Variants in HECW2 observed in about 807,000 individuals in gnomAD.
HECW2 encodes HECT, C2 and WW domain containing E3 ubiquitin protein ligase 2, also known as E3 ubiquitin-protein ligase HECW2.
Under a neutral mutation model 175.2 loss-of-function variants are expected in HECW2, and 61 were observed. The observed-to-expected ratio is 0.35, with a 90% CI of 0.28 to 0.43. HECW2 has a LOEUF of 0.43. HECW2 is among the 20% of genes least tolerant of loss of function. The pLI is 1.00. For synonymous variants in HECW2, 671 were observed against 731.0 expected (o/e 0.92, Z 1.32); for missense variants, 1,524 against 2,000.5 (o/e 0.76, Z 4.54).
intron 1 of HECW2, among the ~76,000 whole-genome samples, chr2:196,454,782 T>G (rs1416960001): frequency 6.6e-6 from 1 of 152,206 alleles, no homozygotes; most frequent in East Asian, 1.9e-4. Flanking sequence ...TGCCATGCTC[T>G]ATGACCTCTG....
chr2:196,511,007 C>T (rs1687934034), intron 1 of HECW2, among the ~76,000 whole-genome samples: 1 of 152,040 alleles, frequency 6.6e-6, no homozygotes, highest in South Asian at 2.1e-4. Context: ...ACTCTGTCGC[C>T]CAGGCTGGAG....
At chr2:196,518,752 A>G (rs1688242862) in intron 1 of HECW2, among the ~76,000 whole-genome samples, 1 of 151,578 alleles carries the variant, frequency 6.6e-6, no homozygotes, top group Non-Finnish European at 1.5e-5. Flanking sequence ...CCGTCCCTCA[A>G]TAATTTAAAA....
chr2:196,235,289 G>A (rs1315435636), intron 21 of HECW2, among the ~76,000 whole-genome samples: 3 of 151,668 alleles, frequency 2.0e-5, no homozygotes, highest in African/African-American at 4.8e-5. Flanking sequence ...TATTAGAGAC[G>A]GGGTTTCACC....
chr2:196,411,038 G>A (rs1350308859), intron 2 of HECW2, among the ~76,000 whole-genome samples: 1 of 152,182 alleles, frequency 6.6e-6, no homozygotes, highest in Non-Finnish European at 1.5e-5. Context: ...TCACTCTGTT[G>A]CTGAGGCTGA....
At chr2:196,238,130 G>A (rs1688319007) in intron 21 of HECW2, among the ~76,000 whole-genome samples, 1 of 152,206 alleles carries the variant, frequency 6.6e-6, no homozygotes, top group Non-Finnish European at 1.5e-5. Flanking sequence ...TCAGGAGGCT[G>A]AGGCAGGAGA....
chr2:196,418,441 T>C (rs1304439787), intron 2 of HECW2, among the ~76,000 whole-genome samples: 1 of 152,348 alleles, frequency 6.6e-6, no homozygotes, highest in Non-Finnish European at 1.5e-5. Flanking sequence ...TGATCACTTC[T>C]TGATCCATCA....
At chr2:196,562,426 G>T (rs1471137458) in intron 1 of HECW2, among the ~76,000 whole-genome samples, 1 of 138,810 alleles carries the variant, frequency 7.2e-6, no homozygotes, top group East Asian at 1.9e-4. Flanking sequence ...CCCTGTATGA[G>T]TTATTTATTT....
At chr2:196,404,218 C>T (rs1359737225) in intron 2 of HECW2, among the ~76,000 whole-genome samples, 6 of 152,120 alleles carry the variant, frequency 3.9e-5, no homozygotes, top group African/African-American at 7.2e-5. Context: ...GGAGACTGGG[C>T]GTAAGTCCCA....
chr2:196,266,825 A>G (rs1256065408), intron 17 of HECW2, among the ~76,000 whole-genome samples: 1 of 152,344 alleles, frequency 6.6e-6, no homozygotes, highest in African/African-American at 2.4e-5. Context: ...AAAAAAATTA[A>G]GAGTAAAATT....
intron 1 of HECW2, among the ~76,000 whole-genome samples, chr2:196,469,619 A>G (rs1040836418): frequency 6.6e-5 from 10 of 152,164 alleles, no homozygotes; most frequent in Non-Finnish European, 1.3e-4. Context: ...GGTTATTTAC[A>G]TATGTCATTA....
intron 2 of HECW2, among the ~76,000 whole-genome samples, chr2:196,400,057 G>A (rs1694776971): frequency 6.6e-6 from 1 of 152,182 alleles, no homozygotes; most frequent in Non-Finnish European, 1.5e-5. Context: ...CTGAAAGCAT[G>A]GAGAAATTTG....
At chr2:196,387,043 T>C (rs902935967) in intron 2 of HECW2, among the ~76,000 whole-genome samples, 4 of 152,202 alleles carry the variant, frequency 2.6e-5, no homozygotes, top group Non-Finnish European at 5.9e-5. Context: ...TTTTCTCATT[T>C]TTCTCTATTA....
intron 21 of HECW2, among the ~76,000 whole-genome samples, chr2:196,234,992 T>C (rs1559453756): frequency 6.6e-6 from 1 of 152,210 alleles, no homozygotes; most frequent in Non-Finnish European, 1.5e-5. Flanking sequence ...GCTTAGAAAC[T>C]ACCTACTTTT....
intron 13 of HECW2, among the ~76,000 whole-genome samples, chr2:196,295,011 G>C (rs1319984728): frequency 1.3e-5 from 2 of 152,176 alleles, no homozygotes; most frequent in Non-Finnish European, 2.9e-5. Context: ...AAGAAGAAAG[G>C]AAGGGAGGAG....
At chr2:196,365,115 T>C (rs1162133196) in intron 2 of HECW2, among the ~76,000 whole-genome samples, 1 of 152,220 alleles carries the variant, frequency 6.6e-6, no homozygotes, top group Non-Finnish European at 1.5e-5. Context: ...GGAAATGTGA[T>C]TTATGGATGC....
intron 1 of HECW2, among the ~76,000 whole-genome samples, chr2:196,580,425 G>A (rs1431465706): frequency 6.6e-6 from 1 of 151,954 alleles, no homozygotes; most frequent in Admixed American, 6.6e-5. Context: ...ATATTTGCAA[G>A]GCATATATCT....
At chr2:196,438,356 A>T (rs1695941461) in intron 1 of HECW2, among the ~76,000 whole-genome samples, 1 of 152,234 alleles carries the variant, frequency 6.6e-6, no homozygotes, top group African/African-American at 2.4e-5. Context: ...ATAACATTTT[A>T]TTTAACTCAC....
In HECW2 at chr2:196,319,171, T is replaced by C. The variant is rs1381235707; in HGVS notation, c.1719A>G (p.Val573=). The change falls in exon 9 of 29, where the codon GTA becomes GTG. Residue 573 remains valine, a synonymous_variant. Coordinates refer to ENST00000644978, the MANE Select transcript of HECW2 (RefSeq NM_001348768.2). ...TGTCTGCGCCACTTGTGGGCTGATC[T>C]ACCTCTTGAGAGCCACACAGTTCAG... ...GSAELCGSQE[V]DQPTSGADTG... is the part of the protein sequence containing the mutation. 3.8e-6 allele frequency: 6 copies of C among 1,595,658 alleles called. No individual in the cohort carries two copies. The highest frequency in any genetic ancestry group is 5.1e-6 in the Non-Finnish European group (6 of 1,170,060).
intron 2 of HECW2, among the ~76,000 whole-genome samples, chr2:196,348,576 A>T (rs1159347389): frequency 2.0e-5 from 3 of 152,134 alleles, no homozygotes; most frequent in Non-Finnish European, 4.4e-5. Flanking sequence ...TGAGCCCAGG[A>T]GTTTGAGGCT....
Sources: gnomAD v4.1 joint callset for allele counts (sites outside exome capture counted in the v4.1 genomes callset) on GRCh38, gnomAD v4.1.1 for gene constraint, MANE v1.5 for transcripts, NCBI Gene and HGNC (gene_info 2026-07-23, HGNC 2026-07-21) for gene names.